Variants in NARF observed in about 807,000 individuals in gnomAD.
The protein encoded by NARF is iron-only hydrogenase-like protein 2.
In NARF, 41 loss-of-function variants were observed where a neutral mutation model predicts 48.0. The observed-to-expected ratio is 0.85, with a 90% CI of 0.66 to 1.11. The LOEUF is 1.11. Ranked by LOEUF, NARF falls within the 50% of genes least tolerant of loss-of-function variation. The pLI is 0.00. For synonymous variants in NARF, 215 were observed against 225.5 expected (o/e 0.95, Z 0.42); for missense variants, 613 against 590.2 (o/e 1.04, Z -0.40).
chr17:82,484,417 C>G (rs752431790), intron 8 of NARF: 3 of 166,954 alleles, frequency 1.8e-5, no homozygotes, highest in Non-Finnish European at 3.9e-5. Flanking sequence ...CCTATAATCA[C>G]AGTACTTTGG....
intron 2 of NARF, chr17:82,463,228 A>G (rs1179621854): frequency 2.0e-5 from 3 of 152,182 alleles, no homozygotes; most frequent in Admixed American, 6.5e-5. Flanking sequence ...ATTTATTGAC[A>G]TTACTCCTGT....
intron 2 of NARF, 90 bp downstream of exon 2, chr17:82,460,162 T>A: frequency 1.7e-6 from 2 of 1,148,826 alleles, no homozygotes; most frequent in Admixed American, 2.0e-5. Context: ...TGCACATCAC[T>A]GCTTTAAAGA....
intron 5 of NARF, among the ~76,000 whole-genome samples, chr17:82,476,227 C>CA (rs2043828299): frequency 6.6e-6 from 1 of 152,054 alleles, no homozygotes; most frequent in South Asian, 2.1e-4. Context: ...AGGCTGGTCT[C>CA]AAACTCCTGA....
chr17:82,467,286 A>G (rs1284728560), intron 3 of NARF, among the ~76,000 whole-genome samples: 2 of 151,902 alleles, frequency 1.3e-5, no homozygotes, highest in Non-Finnish European at 2.9e-5. Context: ...ACCTCAGGCT[A>G]TCCACCAGCC....
chr17:82,477,790 AG>A (rs2043867213), intron 5 of NARF: 1 of 152,120 alleles, frequency 6.6e-6, no homozygotes, highest in South Asian at 2.1e-4. Context: ...TTGGGATTAC[AG>A]GCGTGAGCTA....
At chr17:82,458,667 G>C (rs1373752445), upstream of NARF, 1 of 1,183,052 alleles carries the variant, frequency 8.5e-7, no homozygotes, top group South Asian at 1.9e-5. Flanking sequence ...TGCTCTCATT[G>C]GCCGAGCGCG....
At chr17:82,487,671 T>C (rs2044126069) in intron 10 of NARF, among the ~76,000 whole-genome samples, 1 of 151,924 alleles carries the variant, frequency 6.6e-6, no homozygotes, top group South Asian at 2.1e-4. Context: ...TCCTTAAGAC[T>C]ATCCCGGCTG....
intron 1 of NARF, chr17:82,459,484 G>A (rs2043377851): frequency 1.3e-5 from 2 of 153,214 alleles, no homozygotes; most frequent in African/African-American, 4.8e-5. Context: ...CCTGTGGGGT[G>A]AAGGCTACAG....
In NARF at chr17:82,488,296, T is replaced by A. The variant is rs1459316427; in HGVS notation, c.*139T>A. 1.4e-5 allele frequency: 19 copies of A among 1,342,924 alleles called. No individual in the cohort carries two copies. Among genetic ancestry groups the A allele is most frequent in the Non-Finnish European group, 1.9e-5 (19 of 1,012,342 alleles). The allele number at this position is 1,342,924 out of a possible 1,614,324, so 83.2% of individuals were successfully genotyped here. On this transcript the variant is annotated 3_prime_UTR_variant, in exon 11 of 11. Coordinates refer to ENST00000309794, the MANE Select transcript of NARF (RefSeq NM_012336.4). Reference sequence around the variant, plus strand: ...ATTACTTTGGTTTCTCCGAGTTCCCTGCTACCCCGTTTATTGGAGGCCCCT... The same window carrying A: ...ATTACTTTGGTTTCTCCGAGTTCCCAGCTACCCCGTTTATTGGAGGCCCCT...
chr17:82,464,206 G>A, intron 2 of NARF, 81 bp from the exon 3 acceptor site: 2 of 1,524,760 alleles, frequency 1.3e-6, no homozygotes, highest in East Asian at 2.3e-5. Context: ...TGTGAATTCT[G>A]TATATGGGTG....
chr17:82,471,328 G>A (rs560353859), intron 4 of NARF, among the ~76,000 whole-genome samples: 3 of 151,290 alleles, frequency 2.0e-5, no homozygotes, highest in South Asian at 2.1e-4. Context: ...GGTGACGGGC[G>A]CCTGTAGTCC....
At chr17:82,480,915 A>G in intron 6 of NARF, 167 bp from the exon 7 acceptor site, 1 of 876,538 alleles carries the variant, frequency 1.1e-6, no homozygotes, top group South Asian at 1.7e-5. Context: ...CTGGTGACAG[A>G]GCAAGACTCC....
At chr17:82,459,174 A>T in intron 1 of NARF, 1 of 1,095,112 alleles carries the variant, frequency 9.1e-7, no homozygotes, top group Non-Finnish European at 1.1e-6. Context: ...AGAGGGTTTT[A>T]GGCGTTTTCG....
intron 2 of NARF, 37 bp downstream of exon 2, chr17:82,460,109 A>G: frequency 6.4e-7 from 1 of 1,551,226 alleles, no homozygotes; most frequent in East Asian, 2.2e-5. Context: ...AGCCCAGAGT[A>G]AACTACTGCT....
chr17:82,458,418 G>T, upstream of NARF: 2 of 201,282 alleles, frequency 9.9e-6, no homozygotes, highest in South Asian at 2.4e-4. Flanking sequence ...CGCGCTCACC[G>T]ACTCCCTGGT....
At chr17:82,487,795 T>TAG in intron 10 of NARF, 121 bp from the exon 11 acceptor site, 2 of 444,388 alleles carry the variant, frequency 4.5e-6, no homozygotes, top group East Asian at 7.0e-5. Context: ...GCCCAATCTC[T>TAG]ACAAAAAATT....
intron 10 of NARF, 131 bp from the exon 11 acceptor site, chr17:82,487,785 G>A (rs536418573): frequency 5.1e-5 from 16 of 315,008 alleles, no homozygotes; most frequent in African/African-American, 7.7e-5. Context: ...CGCCCCTCCC[G>A]CCCAATCTCT....
chr17:82,479,459 T>C (rs2043910091), intron 6 of NARF, among the ~76,000 whole-genome samples: 1 of 152,238 alleles, frequency 6.6e-6, no homozygotes, highest in Admixed American at 6.5e-5. Flanking sequence ...CTGAGGCTCC[T>C]GCGTGCCCCC....
chr17:82,485,828 A>G lies in NARF; in HGVS notation c.1129+174A>G, dbSNP rs56928706. Among the ~76,000 whole-genome samples, 933 of 152,290 alleles carry G rather than the reference A, an allele frequency of 6.1e-3. 8 individuals carry two copies. Among genetic ancestry groups the G allele is most frequent in the African/African-American group, 0.021 (893 of 41,550 alleles). ...CTTGTGCTGGGACATTCTAGGCTCC[A>G]TTGGTTTTGCTCTTTTCCTCACCCC... On this transcript the variant is annotated intron_variant, in intron 10 of 10. Transcript: ENST00000309794.
Sources: allele counts gnomAD v4.1 joint callset (sites outside exome capture counted in the v4.1 genomes callset), GRCh38; gene constraint gnomAD v4.1.1; transcripts MANE v1.5; gene names NCBI Gene and HGNC (gene_info 2026-07-23, HGNC 2026-07-21).